CYP19A1: variants seen among roughly 807,000 people sequenced by gnomAD.
The protein encoded by CYP19A1 is aromatase.
CYP19A1 carries 32 observed loss-of-function variants against 44.4 expected under a neutral mutation model. That is an observed-to-expected ratio of 0.72 (90% CI 0.54 to 0.97). CYP19A1 has a LOEUF of 0.97. Ranked by LOEUF, CYP19A1 falls within the 50% of genes least tolerant of loss-of-function variation. The pLI is 0.00. For synonymous variants in CYP19A1, 212 were observed against 215.6 expected, an observed-to-expected ratio of 0.98 and a Z score of 0.14; for missense variants, 598 against 637.8, an observed-to-expected ratio of 0.94 and a Z score of 0.67.
intron 9 of CYP19A1, 55 bp from the exon 10 acceptor site, chr15:51,211,111 C>T (rs2030931097): frequency 8.0e-7 from 1 of 1,249,814 alleles, no homozygotes; most frequent in Non-Finnish European, 1.2e-6. Flanking sequence ...GTCACTCAGT[C>T]TCTGTTTGAT....
At chr15:51,217,567 C>T (rs1595674100) in intron 6 of CYP19A1, among the ~76,000 whole-genome samples, 1 of 152,068 alleles carries the variant, frequency 6.6e-6, no homozygotes, top group Admixed American at 6.5e-5. Context: ...CTAATATTAT[C>T]GAATTTCAAA....
At chr15:51,218,414 C>A in intron 6 of CYP19A1, 127 bp downstream of exon 6, 1 of 1,387,504 alleles carries the variant, frequency 7.2e-7, no homozygotes. Context: ...GCAACTTAAT[C>A]AACAGCTCCC....
At chr15:51,306,417 T>C (rs888265970) in intron 1 of CYP19A1, among the ~76,000 whole-genome samples, 3 of 152,208 alleles carry the variant, frequency 2.0e-5, no homozygotes, top group Non-Finnish European at 2.9e-5. Flanking sequence ...TTGTTTTTTT[T>C]CTAAAAACTA....
At chr15:51,277,029 G>A (rs2035335755) in intron 1 of CYP19A1, 1 of 151,836 alleles carries the variant, frequency 6.6e-6, no homozygotes, top group South Asian at 2.1e-4. Context: ...AAAAAAGAGA[G>A]AGAGAGAAAG....
chr15:51,297,817 G>GACACACACAC (rs1159870053), intron 1 of CYP19A1, among the ~76,000 whole-genome samples: 7,221 of 111,640 alleles, frequency 0.065, 370 homozygotes, highest in African/African-American at 0.083. Context: ...CTGTAGGCAT[G>GACACACACAC]ACACACACAC....
At chr15:51,254,086 C>T (rs993733388) in intron 1 of CYP19A1, among the ~76,000 whole-genome samples, 3 of 152,116 alleles carry the variant, frequency 2.0e-5, no homozygotes, top group Admixed American at 6.5e-5. Flanking sequence ...AGGCAGTGCT[C>T]TCTTAGTCGA....
intron 1 of CYP19A1, among the ~76,000 whole-genome samples, chr15:51,261,355 C>CAAAG (rs2034714792): frequency 6.6e-6 from 1 of 151,916 alleles, no homozygotes; most frequent in Non-Finnish European, 1.5e-5. Flanking sequence ...GCTCTAAGAA[C>CAAAG]AAAGACCCAC....
rs533616788 is a variant in CYP19A1 at position 51,336,476 on chromosome 15, A to T, written c.-39+2019T>A. Among the ~76,000 whole-genome samples the T allele has an allele frequency of 8.5e-3, 1,292 of 152,304 alleles. 17 individuals are homozygous for T. Among genetic ancestry groups the T allele is most frequent in the African/African-American group, 0.029 (1,218 of 41,562 alleles). The stretch of plus-strand genomic sequence containing the variant: ...TGAGTGGAAGATGCATGTGGTGACA[A>T]CTTTTAGGGTGGCTCTCTCCCTAAT... On this transcript the variant is annotated intron_variant, in intron 1 of 9. Transcript: ENST00000396402.
intron 1 of CYP19A1, among the ~76,000 whole-genome samples, chr15:51,329,221 G>A (rs897898323): frequency 1.3e-5 from 2 of 152,074 alleles, no homozygotes; most frequent in Non-Finnish European, 2.9e-5. Context: ...CTGGGATGCC[G>A]AGCTCTTGGC....
At chr15:51,273,960 T>C (rs568230178) in intron 1 of CYP19A1, among the ~76,000 whole-genome samples, 25 of 152,004 alleles carry the variant, frequency 1.6e-4, no homozygotes, top group African/African-American at 6.0e-4. Flanking sequence ...TAAGCCAAGA[T>C]CATGCCATTG....
At chr15:51,224,705 A>G (rs933586282) in intron 4 of CYP19A1, among the ~76,000 whole-genome samples, 1 of 152,208 alleles carries the variant, frequency 6.6e-6, no homozygotes, top group Non-Finnish European at 1.5e-5. Context: ...TTTTTATAAA[A>G]TACAAATATG....
chr15:51,266,293 G>A (rs985148111), intron 1 of CYP19A1, among the ~76,000 whole-genome samples: 18 of 152,246 alleles, frequency 1.2e-4, no homozygotes, highest in African/African-American at 4.3e-4. Context: ...AAGCACTGGA[G>A]CATCCTAAGA....
intron 1 of CYP19A1, among the ~76,000 whole-genome samples, chr15:51,336,560 G>T (rs765314479): frequency 4.6e-5 from 7 of 152,144 alleles, no homozygotes; most frequent in Admixed American, 1.3e-4. Flanking sequence ...CAGTGTAGCT[G>T]TCAATCTCAT....
rs1427851936 is a variant in CYP19A1 at position 51,236,985 on chromosome 15, C to A, written c.170G>T (p.Gly57Val). The A allele has an allele frequency of 6.2e-7, 1 of 1,614,110 alleles. No homozygotes were observed. The highest frequency in any genetic ancestry group is 8.5e-7 in the Non-Finnish European group (1 of 1,180,018). ...GAATCTGCCGTGGGAGATGAGGGGT[C>A]CAATTCCCATGCAGTAGCCAGGACC... ...IPGPGYCMGI[G>V]PLISHGRFLW... Residue 57 changes from glycine to valine, a missense_variant, in exon 3 of 10, where the codon GGA becomes GTA. Coordinates refer to ENST00000396402, the MANE Select transcript of CYP19A1 (RefSeq NM_000103.4).
At chr15:51,212,590 A>C (rs1269708635) in intron 8 of CYP19A1, 29 bp from the exon 9 acceptor site, 1 of 1,360,592 alleles carries the variant, frequency 7.3e-7, no homozygotes, top group East Asian at 2.3e-5. Flanking sequence ...GGAACAAAGA[A>C]GGTAATGTTA....
intron 1 of CYP19A1, among the ~76,000 whole-genome samples, chr15:51,324,349 T>TTATTAACTTAA (rs1182154927): frequency 6.6e-6 from 1 of 152,268 alleles, no homozygotes; most frequent in African/African-American, 2.4e-5. Flanking sequence ...TAACAATTTG[T>TTATTAACTTAA]TCCCAAATAA....
At chr15:51,299,841 G>A (rs1251889373) in intron 1 of CYP19A1, among the ~76,000 whole-genome samples, 1 of 152,162 alleles carries the variant, frequency 6.6e-6, no homozygotes, top group Admixed American at 6.5e-5. Flanking sequence ...CCAAATGGTT[G>A]TTGAGTCCAG....
intron 5 of CYP19A1, among the ~76,000 whole-genome samples, chr15:51,219,574 G>A (rs9806371): frequency 0.12 from 18,636 of 152,136 alleles, 2,215 homozygotes; most frequent in African/African-American, 0.3. Context: ...TGACAGGCAG[G>A]CCCTGAGGCT....
intron 4 of CYP19A1, among the ~76,000 whole-genome samples, chr15:51,226,698 G>A (rs1444819278): frequency 6.6e-6 from 1 of 152,126 alleles, no homozygotes; most frequent in Non-Finnish European, 1.5e-5. Flanking sequence ...GGTTTCCAGG[G>A]TATGATTATC....
Sources: gnomAD v4.1 joint callset for allele counts (sites outside exome capture counted in the v4.1 genomes callset) on GRCh38, gnomAD v4.1.1 for gene constraint, MANE v1.5 for transcripts, NCBI Gene and HGNC (gene_info 2026-07-23, HGNC 2026-07-21) for gene names.